The following ITK variants were observed in gnomAD, a reference collection of about 807,000 sequenced individuals.
ITK encodes tyrosine-protein kinase ITK/TSK.
ITK carries 45 observed loss-of-function variants against 87.6 expected under a neutral mutation model. The observed-to-expected ratio is 0.51, with a 90% CI of 0.40 to 0.66. The LOEUF (loss-of-function observed/expected upper bound fraction) is 0.66, where lower values mean the gene tolerates loss of function less well. Ranked by LOEUF, ITK falls within the 30% of genes least tolerant of loss-of-function variation. The probability of loss-of-function intolerance (pLI) is 0.00; values close to 1 mark genes in which losing one functional copy is unlikely to be tolerated. For missense variants in ITK, 605 were observed against 766.3 expected (o/e 0.79, Z 2.48); for synonymous variants, 303 against 273.6 (o/e 1.11, Z -1.06).
At chr5:157,247,792 T>C (rs1755053723) in intron 15 of ITK, among the ~76,000 whole-genome samples, 1 of 152,244 alleles carries the variant, frequency 6.6e-6, no homozygotes, top group Non-Finnish European at 1.5e-5. Context: ...TTTAAGTTTC[T>C]TTGCCCTAAT....
intron 1 of ITK, among the ~76,000 whole-genome samples, chr5:157,181,434 G>A (rs1179444800): frequency 6.6e-6 from 1 of 152,076 alleles, no homozygotes; most frequent in Non-Finnish European, 1.5e-5. Context: ...GATAAAACTT[G>A]AACTTTCTAT....
At chr5:157,198,985 GAACTCCTGGCCTC>G (rs1753906150) in intron 1 of ITK, among the ~76,000 whole-genome samples, 1 of 152,088 alleles carries the variant, frequency 6.6e-6, no homozygotes, top group African/African-American at 2.4e-5. Flanking sequence ...GACTGTTGTT[GAACTCCTGGCCTC>G]AGGCGACCCT....
chr5:157,241,781 TA>T, intron 11 of ITK, 61 bp downstream of exon 11: 1 of 1,241,464 alleles, frequency 8.1e-7, no homozygotes. Flanking sequence ...AAATTCTGAA[TA>T]AACTGGCCAT....
At chr5:157,190,757 G>A (rs1266157209) in intron 1 of ITK, among the ~76,000 whole-genome samples, 5 of 152,050 alleles carry the variant, frequency 3.3e-5, no homozygotes, top group Admixed American at 2.6e-4. Context: ...CTGGGCAGAG[G>A]GAACGGCAAG....
chr5:157,252,490 C>T, intron 16 of ITK, 117 bp from the exon 17 acceptor site: 2 of 779,104 alleles, frequency 2.6e-6, no homozygotes, highest in South Asian at 1.4e-5. Context: ...ATACAGTCAA[C>T]ATGGAAGCAC....
chr5:157,209,115 C>G, intron 2 of ITK, 122 bp downstream of exon 2: 1 of 734,470 alleles, frequency 1.4e-6, no homozygotes, highest in Non-Finnish European at 2.5e-6. Context: ...GCAGGCAGAT[C>G]ACGAGGTCAG....
chr5:157,210,171 G>A (rs1198570448), intron 2 of ITK, among the ~76,000 whole-genome samples: 9 of 152,048 alleles, frequency 5.9e-5, no homozygotes, highest in African/African-American at 1.2e-4. Flanking sequence ...TGATCGACCC[G>A]CCTCGGCCTC....
At chr5:157,224,010 G>T (rs1487114586) in intron 6 of ITK, among the ~76,000 whole-genome samples, 1 of 152,198 alleles carries the variant, frequency 6.6e-6, no homozygotes, top group African/African-American at 2.4e-5. Flanking sequence ...TTGGCCGGGT[G>T]CACTGGCTCA....
chr5:157,213,470 T>C, intron 3 of ITK: 1 of 396,364 alleles, frequency 2.5e-6, no homozygotes, highest in East Asian at 7.1e-5. Flanking sequence ...CTCGACCTAT[T>C]GGGCTCAAGT....
chr5:157,244,567 A>G lies in ITK; in HGVS notation c.1449+89A>G, dbSNP rs1013900974. 1.5e-5 allele frequency: 12 copies of G among 791,804 alleles called. No homozygotes were observed. In the East Asian group the frequency reaches 2.9e-4, roughly 19 times the overall value. The allele number at this position is 791,804 out of a possible 1,614,324, so 49.0% of individuals were successfully genotyped here. On this transcript the variant is annotated intron_variant, in intron 13 of 16. Coordinates refer to ENST00000422843, the MANE Select transcript of ITK (RefSeq NM_005546.4). ...CTGGGAACGCATTAATAAATAATAC[A>G]TTACAGATAATCTCCTTTCCTTTCT...
chr5:157,207,876 C>G (rs1235504944), intron 1 of ITK, among the ~76,000 whole-genome samples: 2 of 152,074 alleles, frequency 1.3e-5, no homozygotes, highest in African/African-American at 4.8e-5. Context: ...ATTCACTAAT[C>G]GTGATTTTTG....
At chr5:157,192,416 T>C (rs537929308) in intron 1 of ITK, among the ~76,000 whole-genome samples, 1 of 152,176 alleles carries the variant, frequency 6.6e-6, no homozygotes, top group South Asian at 2.1e-4. Context: ...TAGAAGTTAG[T>C]TTTAATTTTA....
At chr5:157,187,878 T>C (rs1753677206) in intron 1 of ITK, among the ~76,000 whole-genome samples, 1 of 151,960 alleles carries the variant, frequency 6.6e-6, no homozygotes, top group South Asian at 2.1e-4. Context: ...CAGCTCACTG[T>C]AGCCTCAGCT....
rs565171766 is a variant in ITK at position 157,246,018 on chromosome 5, C to T, written c.1633+19C>T. ...TCATTTGGTGAGTGTCATGCTGGGC[C>T]CCACTGCCCCATGATCTGGGCTTCA... On this transcript the variant is annotated intron_variant, in intron 15 of 16. Transcript: ENST00000422843. 6.6e-7 allele frequency: 1 copy of T among 1,516,100 alleles called. No individual in the cohort carries two copies. Among genetic ancestry groups the T allele is most frequent in the Admixed American group, 1.7e-5 (1 of 59,912 alleles). 93.9% of individuals were successfully genotyped at this position (1,516,100 alleles called of 1,614,324 possible). A position where few individuals can be genotyped will look rare whatever the true frequency, so the allele number is the denominator to read the frequency against.
At chr5:157,218,707 C>T (rs1754351212) in intron 5 of ITK, among the ~76,000 whole-genome samples, 2 of 152,142 alleles carry the variant, frequency 1.3e-5, no homozygotes, top group South Asian at 2.1e-4. Context: ...AATCCCAAGA[C>T]AGGTCTTGAG....
chr5:157,249,304 GA>G (rs1207567035), intron 16 of ITK, among the ~76,000 whole-genome samples: 1 of 152,118 alleles, frequency 6.6e-6, no homozygotes, highest in African/African-American at 2.4e-5. Context: ...TCTGAGAAGA[GA>G]AAAAAAGTCT....
chr5:157,243,943 C>T (rs193138397), intron 12 of ITK, 149 bp downstream of exon 12: 17 of 786,614 alleles, frequency 2.2e-5, no homozygotes, highest in African/African-American at 1.5e-4. Context: ...CAATCAAACT[C>T]TTCACAGTGG....
At chr5:157,203,887 G>T (rs73814036) in intron 1 of ITK, among the ~76,000 whole-genome samples, 2,315 of 152,272 alleles carry the variant, frequency 0.015, 65 homozygotes, top group African/African-American at 0.053. Flanking sequence ...CTATAAAAGT[G>T]CAGGGAAAAG....
intron 1 of ITK, chr5:157,199,332 G>A (rs1393929829): frequency 6.6e-6 from 1 of 152,112 alleles, no homozygotes; most frequent in Non-Finnish European, 1.5e-5. Context: ...TTTCCCATGG[G>A]TAGCAGACAC....
Sources: allele counts gnomAD v4.1 joint callset (sites outside exome capture counted in the v4.1 genomes callset), GRCh38; gene constraint gnomAD v4.1.1; transcripts MANE v1.5; gene names NCBI Gene and HGNC (gene_info 2026-07-23, HGNC 2026-07-21).